The following BRWD1 variants were observed in gnomAD, a reference collection of about 807,000 sequenced individuals.
BRWD1 encodes the protein bromodomain and WD repeat-containing protein 1.
A neutral mutation model predicts 251.2 loss-of-function variants in BRWD1; 82 were observed. That is an observed-to-expected ratio of 0.33 (90% CI 0.27 to 0.39). The LOEUF (loss-of-function observed/expected upper bound fraction) is 0.39, where lower values mean the gene tolerates loss of function less well. Among genes scored for constraint, BRWD1 ranks in the 10% least tolerant of loss-of-function variants. BRWD1 has a pLI of 1.00. For missense variants in BRWD1, 2,233 were observed against 2,711.6 expected (o/e 0.82, Z 3.92); for synonymous variants, 918 against 902.8 (o/e 1.02, Z -0.30).
chr21:39,232,024 A>C (rs1362361593), intron 25 of BRWD1, among the ~76,000 whole-genome samples, 153 bp downstream of exon 25: 1 of 152,214 alleles, frequency 6.6e-6, no homozygotes, highest in Non-Finnish European at 1.5e-5. Flanking sequence ...AGCCATTCCC[A>C]CAGGATCTTA....
exon 1 of BRWD1, chr21:39,321,089 T>C (rs78749265): frequency 0.094 from 14,278 of 152,240 alleles, 792 homozygotes; most frequent in East Asian, 0.14. Flanking sequence ...CTCTTATGTC[T>C]TACTGCTTCT....
At chr21:39,241,648 T>A (rs989923924) in intron 21 of BRWD1, among the ~76,000 whole-genome samples, 2 of 152,068 alleles carry the variant, frequency 1.3e-5, no homozygotes, top group Admixed American at 6.6e-5. Flanking sequence ...AAAAAATACA[T>A]GTGTCTGCAT....
chr21:39,298,184 T>G (rs2036008953), intron 5 of BRWD1: 2 of 1,135,286 alleles, frequency 1.8e-6, no homozygotes, highest in Non-Finnish European at 2.2e-6. Flanking sequence ...TCAAACAACA[T>G]CTCAGAATAA....
At chr21:39,230,768 T>C (rs1010778189) in intron 25 of BRWD1, among the ~76,000 whole-genome samples, 9 of 150,206 alleles carry the variant, frequency 6.0e-5, no homozygotes, top group African/African-American at 2.0e-4. Flanking sequence ...TGGCACTGAA[T>C]AGACCATGAA....
At chr21:39,311,027 A>G (rs2036465201) in intron 4 of BRWD1, among the ~76,000 whole-genome samples, 1 of 152,016 alleles carries the variant, frequency 6.6e-6, no homozygotes, top group Non-Finnish European at 1.5e-5. Context: ...CACCAGACAG[A>G]CCAAATCAGG....
At chr21:39,312,787 G>T (rs1217732815) in intron 4 of BRWD1, 54 bp downstream of exon 4, 4 of 1,459,586 alleles carry the variant, frequency 2.7e-6, no homozygotes, top group Non-Finnish European at 2.8e-6. Flanking sequence ...GGAAGGGGCG[G>T]GGGCGGGGGG....
In BRWD1 at chr21:39,210,939, C is replaced by G. The variant is rs780294593; in HGVS notation, c.3901-10G>C. 25 of 1,607,278 alleles carry G rather than the reference C, an allele frequency of 1.6e-5. No homozygotes were observed. In the Admixed American group the frequency reaches 4.0e-4, roughly 25 times the overall value. On this transcript the variant is annotated splice_polypyrimidine_tract_variant and intron_variant, in intron 34 of 40. Coordinates refer to ENST00000342449, the MANE Select transcript of BRWD1 (RefSeq NM_033656.4). Reference sequence around the variant, plus strand: ...TTTTCCCATCATGGACCTAAAAATACATTCACAGTCTTAAGAAAAATCACA... The same window carrying G: ...TTTTCCCATCATGGACCTAAAAATAGATTCACAGTCTTAAGAAAAATCACA...
In BRWD1 at chr21:39,242,180, T is replaced by C. The variant is rs370502453; in HGVS notation, c.2482-3607A>G. On this transcript the variant is annotated intron_variant, in intron 21 of 40. Transcript: ENST00000342449. The stretch of plus-strand genomic sequence containing the variant: ...AGGCCTCTTGCACCAAGTAGCCAAG[T>C]TGTGAATGCAAAGGAAAAGTTCTTC... Among the ~76,000 whole-genome samples the C allele has an allele frequency of 1.1e-4, 16 of 152,328 alleles. No individual in the cohort carries two copies. The East Asian group carries it at 2.3e-3, about 22-fold the overall frequency.
At chr21:39,301,377 G>A (rs980722256) in intron 4 of BRWD1, among the ~76,000 whole-genome samples, 1 of 152,090 alleles carries the variant, frequency 6.6e-6, no homozygotes, top group Admixed American at 6.6e-5. Context: ...AGACTCTACT[G>A]CCTCGTCAGC....
intron 31 of BRWD1, 24 bp downstream of exon 31, chr21:39,218,128 T>A (rs570397524): frequency 6.3e-7 from 1 of 1,580,776 alleles, no homozygotes; most frequent in Non-Finnish European, 8.6e-7. Flanking sequence ...TTTTTAAACA[T>A]TTTGAAAGCA....
intron 4 of BRWD1, among the ~76,000 whole-genome samples, chr21:39,300,488 A>G (rs1170770451): frequency 2.6e-5 from 4 of 152,248 alleles, no homozygotes; most frequent in Non-Finnish European, 5.9e-5. Flanking sequence ...ACTCTGCTGG[A>G]AGGGAAAGTA....
At chr21:39,302,526 G>C (rs1288379920) in intron 4 of BRWD1, among the ~76,000 whole-genome samples, 1 of 152,098 alleles carries the variant, frequency 6.6e-6, no homozygotes, top group African/African-American at 2.4e-5. Context: ...GAAAGCTGAA[G>C]TGGGCAGATC....
intron 4 of BRWD1, among the ~76,000 whole-genome samples, chr21:39,304,046 C>T (rs1167485354): frequency 1.4e-5 from 2 of 147,662 alleles, no homozygotes; most frequent in Admixed American, 1.4e-4. Context: ...GAGGCTTAGG[C>T]AGGAGAATCG....
rs561331739 is a variant in BRWD1 at position 39,218,196 on chromosome 21, G to A, written c.3615C>T (p.Thr1205=). Residue 1205 remains threonine, a synonymous_variant, in exon 31 of 41, where the codon ACC becomes ACT. Transcript: ENST00000342449. Reference sequence around the variant, plus strand: ...GTCTCATTCGAATTGTGTAAAGATCGGTTGGATAAGCTACTACAGTACAGT... The same window carrying A: ...GTCTCATTCGAATTGTGTAAAGATCAGTTGGATAAGCTACTACAGTACAGT... ...PKYCTVVAYP[T]DLYTIRMRLV... is the part of the protein sequence containing the mutation. 159 of 1,611,476 alleles carry A rather than the reference G, an allele frequency of 9.9e-5. No individual in the cohort carries two copies. The highest frequency in any genetic ancestry group is 1.2e-4 in the Non-Finnish European group (147 of 1,179,362).
chr21:39,218,398 A>G, intron 30 of BRWD1, 107 bp downstream of exon 30: 6 of 1,436,526 alleles, frequency 4.2e-6, no homozygotes, highest in Non-Finnish European at 5.6e-6. Flanking sequence ...GATAACCAAT[A>G]CAAAGTGTAG....
At chr21:39,268,127 T>A (rs2034983641) in intron 15 of BRWD1, among the ~76,000 whole-genome samples, 1 of 152,084 alleles carries the variant, frequency 6.6e-6, no homozygotes, top group Non-Finnish European at 1.5e-5. Flanking sequence ...TGGGTAAAAA[T>A]TTAATGAGAA....
In BRWD1 at chr21:39,280,140, C is replaced by T. The variant is rs1244481412; in HGVS notation, c.932+8G>A. On this transcript the variant is annotated splice_region_variant and intron_variant, in intron 9 of 40. Transcript: ENST00000342449. ...AACAAAACCTGTTACATAATTAAAG[C>T]CACTTACCTAAATTTTAAGGATTCT... is the stretch of plus-strand genomic sequence containing the variant. 1.3e-6 allele frequency: 2 copies of T among 1,574,596 alleles called. No homozygotes were observed. The highest frequency in any genetic ancestry group is 1.7e-6 in the Non-Finnish European group (2 of 1,160,206).
intron 36 of BRWD1, among the ~76,000 whole-genome samples, chr21:39,207,487 C>CACACACACACACAA (rs1453453078): frequency 4.8e-5 from 7 of 146,494 alleles, no homozygotes; most frequent in Non-Finnish European, 7.5e-5. Flanking sequence ...CACACACAAA[C>CACACACACACACAA]AAAACTCCAA....
At chr21:39,311,047 A>T (rs921129038) in intron 4 of BRWD1, among the ~76,000 whole-genome samples, 1 of 152,154 alleles carries the variant, frequency 6.6e-6, no homozygotes, top group Non-Finnish European at 1.5e-5. Context: ...GGAGGCAATG[A>T]TAGATGCCAT....
Sources: gnomAD v4.1 joint callset for allele counts (sites outside exome capture counted in the v4.1 genomes callset) on GRCh38, gnomAD v4.1.1 for gene constraint, MANE v1.5 for transcripts, NCBI Gene and HGNC (gene_info 2026-07-23, HGNC 2026-07-21) for gene names.